CEP70: variants seen among roughly 807,000 people sequenced by gnomAD.
CEP70 encodes the protein centrosomal protein 70.
A neutral mutation model predicts 90.9 loss-of-function variants in CEP70; 70 were observed. The ratio of observed to expected loss-of-function variants is 0.77; its 90% CI spans 0.64 to 0.94. The LOEUF (loss-of-function observed/expected upper bound fraction) is 0.94. Ranked by LOEUF, CEP70 falls within the 40% of genes least tolerant of loss-of-function variation. The pLI is 0.00. For synonymous variants in CEP70, 220 were observed against 228.3 expected (o/e 0.96, Z 0.33); for missense variants, 648 against 669.0 (o/e 0.97, Z 0.35).
intron 6 of CEP70, among the ~76,000 whole-genome samples, chr3:138,556,270 C>T (rs1437539612): frequency 6.6e-6 from 1 of 152,146 alleles, no homozygotes; most frequent in African/African-American, 2.4e-5. Context: ...TGGCTCACGC[C>T]TGTAATCCCA....
In CEP70 at chr3:138,498,116, T is replaced by TA; in HGVS notation, c.1653-7dup. 2 of 1,609,962 alleles carry TA rather than the reference T, an allele frequency of 1.2e-6. No homozygotes were observed. Among genetic ancestry groups the TA allele is most frequent in the South Asian group, 1.1e-5 (1 of 90,338 alleles). On this transcript the variant is annotated splice_region_variant and splice_polypyrimidine_tract_variant and intron_variant, in intron 16 of 17. Transcript: ENST00000264982. ...CTTCCAATTTGTAGATAATGCTGTT[T>TA]AAAAAATGCACAATTTAAACCTGAT...
intron 10 of CEP70, among the ~76,000 whole-genome samples, chr3:138,526,122 T>A (rs1285999100): frequency 1.3e-5 from 2 of 152,130 alleles, no homozygotes; most frequent in African/African-American, 4.8e-5. Flanking sequence ...ATGCTAGGTA[T>A]CAGGTCCTTC....
chr3:138,541,262 C>T (rs539161346), intron 6 of CEP70, among the ~76,000 whole-genome samples: 1 of 152,060 alleles, frequency 6.6e-6, no homozygotes, highest in Non-Finnish European at 1.5e-5. Flanking sequence ...CAAAGTCAAG[C>T]ACAAAGAGAA....
At chr3:138,582,741 G>A (rs986692828) in intron 2 of CEP70, among the ~76,000 whole-genome samples, 2 of 152,070 alleles carry the variant, frequency 1.3e-5, no homozygotes, top group African/African-American at 4.8e-5. Flanking sequence ...TCCAGCCTGG[G>A]TGACAGAACT....
In CEP70 at chr3:138,529,360, A is replaced by G; in HGVS notation, c.780+15T>C. 1 of 1,582,754 alleles carries G rather than the reference A, an allele frequency of 6.3e-7. No homozygotes were observed. Among genetic ancestry groups the G allele is most frequent in the Non-Finnish European group, 8.6e-7 (1 of 1,159,052 alleles). On this transcript the variant is annotated intron_variant, in intron 9 of 17. Transcript: ENST00000264982. ...GTTTATTAAAAAGTATTTATTAGTT[A>G]TGCAGTCCCCATACCATTAAAAGGC...
At chr3:138,548,034 CATT>C (rs1404505616) in intron 6 of CEP70, among the ~76,000 whole-genome samples, 1 of 152,168 alleles carries the variant, frequency 6.6e-6, no homozygotes, top group African/African-American at 2.4e-5. Flanking sequence ...ATCAGGCCAA[CATT>C]ATCCTGATAC....
At chr3:138,504,350 AT>A (rs1177221077) in intron 13 of CEP70, among the ~76,000 whole-genome samples, 6 of 152,298 alleles carry the variant, frequency 3.9e-5, no homozygotes, top group African/African-American at 1.2e-4. Context: ...ACCACCCCCA[AT>A]TTTGTTGTCT....
intron 6 of CEP70, among the ~76,000 whole-genome samples, chr3:138,559,244 A>T (rs2040226375): frequency 1.3e-5 from 2 of 152,216 alleles, no homozygotes; most frequent in Non-Finnish European, 2.9e-5. Context: ...GTAGTCAATG[A>T]TAAATACTAA....
chr3:138,498,351 T>C (rs1362941880), intron 16 of CEP70, among the ~76,000 whole-genome samples: 5 of 151,158 alleles, frequency 3.3e-5, no homozygotes, highest in African/African-American at 2.4e-5. Context: ...TTTTTTTTTT[T>C]TTTTGAGACA....
intron 7 of CEP70, among the ~76,000 whole-genome samples, chr3:138,536,067 T>A (rs612471): frequency 0.55 from 83,614 of 151,932 alleles, 24,802 homozygotes; most frequent in African/African-American, 0.78. Flanking sequence ...TTATTTTTAT[T>A]GTAAAATAGA....
rs189878648 is a variant in CEP70 at position 138,592,522 on chromosome 3, C to A, written c.-108-566G>T. ...CAGAAGCTACAGCTTTAATTACTGT[C>A]ATAACACACTTAAAATAAGATTGTT... is the stretch of plus-strand genomic sequence containing the variant. On this transcript the variant is annotated intron_variant, in intron 1 of 17. Transcript: ENST00000264982. 1.0e-3 allele frequency among the ~76,000 whole-genome samples: 154 copies of A among 150,364 alleles called. 1 individual carries two copies. Among genetic ancestry groups the A allele is most frequent in the African/African-American group, 3.5e-3 (143 of 40,738 alleles).
intron 6 of CEP70, among the ~76,000 whole-genome samples, chr3:138,546,696 C>T (rs1368148385): frequency 2.0e-5 from 3 of 152,112 alleles, no homozygotes; most frequent in Non-Finnish European, 4.4e-5. Flanking sequence ...TTGCAGTGAG[C>T]CGAGATCATG....
chr3:138,527,753 C>T (rs1282365485), intron 10 of CEP70, among the ~76,000 whole-genome samples: 1 of 151,164 alleles, frequency 6.6e-6, no homozygotes, highest in African/African-American at 2.4e-5. Flanking sequence ...TGAGGTCTCA[C>T]ATGTTGCTCA....
chr3:138,512,663 A>G (rs1004769444), intron 11 of CEP70, among the ~76,000 whole-genome samples: 4 of 152,210 alleles, frequency 2.6e-5, no homozygotes, highest in Non-Finnish European at 4.4e-5. Context: ...CTGAGAAAAC[A>G]GAAAACTGTA....
At chr3:138,551,832 A>G (rs2039647510) in intron 6 of CEP70, among the ~76,000 whole-genome samples, 1 of 152,164 alleles carries the variant, frequency 6.6e-6, no homozygotes, top group Admixed American at 6.5e-5. Flanking sequence ...ACATCTTGAT[A>G]CTGATGTTGA....
At chr3:138,578,605 A>C (rs1017304204) in intron 2 of CEP70, among the ~76,000 whole-genome samples, 36 of 152,236 alleles carry the variant, frequency 2.4e-4, no homozygotes, top group Non-Finnish European at 3.4e-4. Flanking sequence ...GATCCACACC[A>C]AAATAGGGAA....
intron 2 of CEP70, among the ~76,000 whole-genome samples, chr3:138,583,483 C>T (rs2041965233): frequency 6.6e-6 from 1 of 152,184 alleles, no homozygotes; most frequent in South Asian, 2.1e-4. Flanking sequence ...GACGTTTCAT[C>T]CAATGGCTGA....
intron 11 of CEP70, among the ~76,000 whole-genome samples, chr3:138,525,143 T>C (rs2037083825): frequency 6.6e-6 from 1 of 151,972 alleles, no homozygotes; most frequent in African/African-American, 2.4e-5. Flanking sequence ...AAACCATCAT[T>C]CTCAGCAAAC....
chr3:138,521,306 C>G (rs2036600558), intron 11 of CEP70, among the ~76,000 whole-genome samples: 1 of 151,862 alleles, frequency 6.6e-6, no homozygotes. Flanking sequence ...GCCCAGCCGC[C>G]CAGTCTGGGA....
Sources: gnomAD v4.1 joint callset for allele counts (sites outside exome capture counted in the v4.1 genomes callset) on GRCh38, gnomAD v4.1.1 for gene constraint, MANE v1.5 for transcripts, NCBI Gene and HGNC (gene_info 2026-07-23, HGNC 2026-07-21) for gene names.